Variants in SEZ6L2 observed in about 807,000 individuals in gnomAD.
SEZ6L2 encodes the protein seizure related 6 homolog like 2.
In SEZ6L2, 44 loss-of-function variants were observed where a neutral mutation model predicts 97.0. That is an observed-to-expected ratio of 0.45 (90% CI 0.36 to 0.58). The LOEUF is 0.58. Among genes scored for constraint, SEZ6L2 ranks in the 20% least tolerant of loss-of-function variants. The pLI is 0.00. For synonymous variants in SEZ6L2, 543 were observed against 546.1 expected (o/e 0.99, Z 0.08); for missense variants, 1,086 against 1,233.3 (o/e 0.88, Z 1.79).
chr16:29,873,254 G>A lies in SEZ6L2; in HGVS notation c.2474C>T (p.Pro825Leu), dbSNP rs775064468. Reference protein sequence around the residue: ...PGHPSQWTSQPPLCKVAYEEL... With the variant: ...PGHPSQWTSQLPLCKVAYEEL... ...TGGCCAGGCACCTTTGCAGAGTGGG[G>A]GCTGGCTGGTCCACTGGGAGGGGTG... Residue 825 changes from proline (P) to leucine (L), a missense_variant, in exon 14 of 18, where the codon CCC (proline) becomes CTC (leucine). By Grantham distance (98) the Pro-to-Leu change is moderately conservative (BLOSUM62 -3). This residue lies in a region of SEZ6L2 where 310 missense variants were observed against 438.6 expected (regional missense o/e 0.71). Coordinates refer to ENST00000617533, the MANE Select transcript of SEZ6L2 (RefSeq NM_001243332.2). The surrounding 1 kb of genome is among the most constrained non-coding windows in gnomAD (Gnocchi z 4.3). The A allele has an allele frequency of 1.2e-6, 2 of 1,613,976 alleles. No individual in the cohort carries two copies. Among genetic ancestry groups the A allele is most frequent in the Non-Finnish European group, 1.7e-6 (2 of 1,179,960 alleles).
rs8051470 is a variant in SEZ6L2 at position 29,894,356 on chromosome 16, C to T, written c.853+903G>A. Among the ~76,000 whole-genome samples, 28 of 152,228 alleles carry T rather than the reference C, an allele frequency of 1.8e-4. No homozygotes were observed. In the East Asian group the frequency reaches 4.6e-3, roughly 25 times the overall value. On this transcript the variant is annotated intron_variant, in intron 5 of 17. Transcript: ENST00000617533. Reference sequence around the variant, plus strand: ...ATTCCTTCACCTCATCTGGGGGTCACGTCTTCTCTCTCTGGGTCTTGGAGT... The same window carrying T: ...ATTCCTTCACCTCATCTGGGGGTCATGTCTTCTCTCTCTGGGTCTTGGAGT...
At chr16:29,872,605 A>ACCCCTCCCAGCCTCCTG in intron 15 of SEZ6L2, 79 bp from the exon 16 acceptor site, 1 of 1,595,776 alleles carries the variant, frequency 6.3e-7, no homozygotes, top group Non-Finnish European at 8.6e-7. Context: ...TGGGCCTCAA[A>ACCCCTCCCAGCCTCCTG]CCCTGGGCTT....
chr16:29,888,465 G>A, intron 6 of SEZ6L2, 75 bp downstream of exon 6: 1 of 1,496,722 alleles, frequency 6.7e-7, no homozygotes, highest in Non-Finnish European at 9.1e-7. Flanking sequence ...GTGGACACCT[G>A]GACACCCCCG....
chr16:29,881,361 G>A (rs1015330212), intron 8 of SEZ6L2, among the ~76,000 whole-genome samples: 48 of 152,152 alleles, frequency 3.2e-4, no homozygotes, highest in African/African-American at 2.4e-5. Flanking sequence ...CAGAGATAGC[G>A]GGTAAGGGGA....
Position 29,876,884 on chromosome 16 carries a change from T to A in SEZ6L2, c.1976A>T (p.His659Leu). 6.2e-7 allele frequency: 1 copy of A among 1,613,622 alleles called. No individual in the cohort carries two copies. The highest frequency in any genetic ancestry group is 8.5e-7 in the Non-Finnish European group (1 of 1,179,812). Residue 659 changes from histidine (H) to leucine (L), a missense_variant, in exon 12 of 18, where the codon CAC becomes CTC. By Grantham distance (99) the His-to-Leu change is moderately conservative. Coordinates refer to ENST00000617533, the MANE Select transcript of SEZ6L2 (RefSeq NM_001243332.2). This position sits in a 1 kb window ranked among gnomAD's most constrained non-coding sequence, Gnocchi z 6.5. ...CACCGTGCCCCGGATCAGGTCCCCG[T>A]GGGATGCCGTTCTCCAGCCCCACTC... ...PPEWGWRTAS[H>L]GDLIRGTVLT...
chr16:29,898,075 A>G, intron 1 of SEZ6L2, 91 bp from the exon 2 acceptor site: 2 of 1,548,532 alleles, frequency 1.3e-6, no homozygotes, highest in Non-Finnish European at 1.7e-6. Flanking sequence ...TCCCTCCTCC[A>G]TCAGCTGGGC....
chr16:29,895,783 G>T lies in SEZ6L2; in HGVS notation c.589C>A (p.Leu197Met). The T allele has an allele frequency of 1.2e-6, 2 of 1,614,042 alleles. No homozygotes were observed. The highest frequency in any genetic ancestry group is 1.7e-6 in the Non-Finnish European group (2 of 1,179,914). ...CTGTAAGTGCAGTCCAGGAGCCCCAGGGTGCGGCTGACGGGGCTCCCCAGA... is the reference window on the plus strand; with the variant it reads ...CTGTAAGTGCAGTCCAGGAGCCCCATGGTGCGGCTGACGGGGCTCCCCAGA... ...PDLGSPVSRT[L>M]GLLDCTYSIH... Residue 197 changes from leucine to methionine, a missense_variant, in exon 4 of 18, where the codon CTG (leucine) becomes ATG (methionine). By Grantham distance (15) the Leu-to-Met change is conservative. Transcript: ENST00000617533.
At chr16:29,878,525 G>C (rs1287670785) in intron 9 of SEZ6L2, 100 bp from the exon 10 acceptor site, 1 of 923,734 alleles carries the variant, frequency 1.1e-6, no homozygotes, top group African/African-American at 1.7e-5. Context: ...ACATCACCTC[G>C]CTTGTTTCCT....
chr16:29,890,743 CTTTTTTTTT>C (rs71143763), intron 5 of SEZ6L2, among the ~76,000 whole-genome samples: 10 of 74,388 alleles, frequency 1.3e-4, no homozygotes, highest in East Asian at 9.4e-4. Flanking sequence ...TAACCATTGT[CTTTTTTTTT>C]TTTTTTTTTT....
intron 5 of SEZ6L2, among the ~76,000 whole-genome samples, chr16:29,890,245 G>A (rs906899756): frequency 2.6e-5 from 4 of 152,052 alleles, no homozygotes; most frequent in African/African-American, 4.8e-5. Context: ...AGTGGCTCAC[G>A]CCTGTAATCC....
rs760933259 is a variant in SEZ6L2, at chr16:29,878,399, G to T, written c.1600C>A (p.Pro534Thr). The T allele has an allele frequency of 4.4e-6, 7 of 1,605,458 alleles. No individual in the cohort carries two copies. Among genetic ancestry groups the T allele is most frequent in the Non-Finnish European group, 5.1e-6 (6 of 1,174,916 alleles). ...TCGGGAGAGAGGACCACGCCAGCTG[G>T]TTCCGACAGCTCCCCTCCACACATG... ...KAMCGGELSE[P>T]AGVVLSPDWP... The change falls in exon 10 of 18, where the codon CCA (proline) becomes ACA (threonine). Residue 534 changes from proline to threonine, a missense_variant. Physicochemically the swap from Pro to Thr is conservative, Grantham distance 38. Coordinates refer to ENST00000617533, the MANE Select transcript of SEZ6L2 (RefSeq NM_001243332.2).
intron 5 of SEZ6L2, among the ~76,000 whole-genome samples, chr16:29,893,268 G>C (rs1401305190): frequency 6.6e-6 from 1 of 152,038 alleles, no homozygotes; most frequent in Non-Finnish European, 1.5e-5. Context: ...AGGCTGCGGT[G>C]AGCCAAGATT....
chr16:29,877,570 T>C, intron 10 of SEZ6L2, 103 bp from the exon 11 acceptor site: 2 of 1,071,184 alleles, frequency 1.9e-6, no homozygotes, highest in Non-Finnish European at 2.6e-6. Flanking sequence ...CCTCCTACTC[T>C]CCAGCCCCGC....
Position 29,871,469 on chromosome 16 carries a change from G to T in SEZ6L2, c.*230C>A, listed in dbSNP as rs2067778125. 4 of 599,564 alleles carry T rather than the reference G, an allele frequency of 6.7e-6. No homozygotes were observed. Among genetic ancestry groups the T allele is most frequent in the South Asian group, 5.9e-5 (3 of 50,436 alleles). 37.1% of individuals were successfully genotyped at this position (599,564 alleles called of 1,614,324 possible). On this transcript the variant is annotated 3_prime_UTR_variant, in exon 18 of 18. Coordinates refer to ENST00000617533, the MANE Select transcript of SEZ6L2 (RefSeq NM_001243332.2). ...CAGAATCCAAAAGCCGGTAGGGCGG[G>T]GGGCAGGCCCCTCGTTTGGCAACTG...
chr16:29,894,478 A>G (rs926317330), intron 5 of SEZ6L2, among the ~76,000 whole-genome samples: 8 of 135,140 alleles, frequency 5.9e-5, no homozygotes, highest in African/African-American at 2.3e-4. Context: ...CAGCTTAGTC[A>G]TCATCTCCTC....
Position 29,878,388 on chromosome 16 carries a change from C to T in SEZ6L2, c.1611G>A (p.Val537=), listed in dbSNP as rs369930212. The part of the protein sequence containing the change: ...CGGELSEPAG[V]VLSPDWPQSY... The stretch of plus-strand genomic sequence containing the variant: ...TCTGGGGCCAGTCGGGAGAGAGGAC[C>T]ACGCCAGCTGGTTCCGACAGCTCCC... The change falls in exon 10 of 18, where the codon GTG becomes GTA. Residue 537 remains valine (V), a synonymous_variant. Transcript: ENST00000617533. 22 of 1,608,066 alleles carry T rather than the reference C, an allele frequency of 1.4e-5. No individual in the cohort carries two copies. The South Asian group carries it at 1.8e-4, about 13-fold the overall frequency.
chr16:29,885,126 T>C (rs2068108502), intron 8 of SEZ6L2, among the ~76,000 whole-genome samples: 1 of 152,176 alleles, frequency 6.6e-6, no homozygotes, highest in Admixed American at 6.5e-5. Flanking sequence ...GAGAATGGCG[T>C]GAACCCGGAA....
rs2067903361 is a variant in SEZ6L2, at chr16:29,876,377, C to A, written c.2104+379G>T. Among the ~76,000 whole-genome samples, 1 of 151,850 alleles carries A rather than the reference C, an allele frequency of 6.6e-6. No individual in the cohort carries two copies. The highest frequency in any genetic ancestry group is 1.5e-5 in the Non-Finnish European group (1 of 67,944). On this transcript the variant is annotated intron_variant, in intron 12 of 17. Coordinates refer to ENST00000617533, the MANE Select transcript of SEZ6L2 (RefSeq NM_001243332.2). The surrounding 1 kb of genome is among the most constrained non-coding windows in gnomAD (Gnocchi z 6.5). Reference sequence around the variant, plus strand: ...GGGGCGTAGGACAGGAAGGTGGAGCCAAGTGTGGACCCGGGGAGCCCAGTG... The same window carrying A: ...GGGGCGTAGGACAGGAAGGTGGAGCAAAGTGTGGACCCGGGGAGCCCAGTG...
chr16:29,897,169 A>C, intron 2 of SEZ6L2, 48 bp from the exon 3 acceptor site: 1 of 1,438,844 alleles, frequency 7.0e-7, no homozygotes, highest in Non-Finnish European at 9.2e-7. Flanking sequence ...CACATGGAGG[A>C]CCTTGGGTGG....
Sources: gnomAD v4.1 joint callset for allele counts (sites outside exome capture counted in the v4.1 genomes callset) on GRCh38, gnomAD v4.1.1 for gene constraint, gnomAD v4.1.1 regional missense constraint, Gnocchi (gnomAD v3.1) non-coding constraint, MANE v1.5 for transcripts, NCBI Gene and HGNC (gene_info 2026-07-23, HGNC 2026-07-21) for gene names.